SKP2: variants seen among roughly 807,000 people sequenced by gnomAD.
SKP2 encodes S-phase kinase associated protein 2.
Under a neutral mutation model 51.8 loss-of-function variants are expected in SKP2, and 16 were observed. The ratio of observed to expected loss-of-function variants is 0.31; its 90% CI spans 0.21 to 0.47. SKP2 has a LOEUF of 0.47. Among genes scored for constraint, SKP2 ranks in the 20% least tolerant of loss-of-function variants. The pLI, the probability that SKP2 is intolerant of heterozygous loss-of-function variation, is 1.00. For missense variants in SKP2, 377 were observed against 505.3 expected (o/e 0.75, Z 2.43); for synonymous variants, 176 against 198.6 (o/e 0.89, Z 0.96).
At chr5:36,187,627 A>G (rs1300678022), downstream of SKP2, among the ~76,000 whole-genome samples, 3 of 152,108 alleles carry the variant, frequency 2.0e-5, no homozygotes, top group Admixed American at 6.6e-5. Flanking sequence ...GTTCTTTTAC[A>G]TTTGCTGAGG....
intron 2 of SKP2, among the ~76,000 whole-genome samples, chr5:36,155,379 G>A (rs758238305): frequency 2.0e-5 from 3 of 152,160 alleles, no homozygotes; most frequent in Non-Finnish European, 2.9e-5. Flanking sequence ...TCATTCTTGC[G>A]TTTATCAGCC....
chr5:36,167,032 A>T (rs1326491711), intron 4 of SKP2, among the ~76,000 whole-genome samples: 1 of 152,036 alleles, frequency 6.6e-6, no homozygotes, highest in Non-Finnish European at 1.5e-5. Context: ...TCTGATAAAT[A>T]AAAAAAAGTG....
intron 2 of SKP2, 102 bp from the exon 3 acceptor site, chr5:36,163,543 A>G: frequency 1.4e-6 from 1 of 697,064 alleles, no homozygotes; most frequent in Admixed American, 2.5e-5. Flanking sequence ...TAAATTCCTC[A>G]TTTAAGCTAA....
At chr5:36,159,068 G>C (rs1745042731) in intron 2 of SKP2, among the ~76,000 whole-genome samples, 1 of 152,228 alleles carries the variant, frequency 6.6e-6, no homozygotes, top group African/African-American at 2.4e-5. Context: ...TTATGTGCCA[G>C]GCATTGTTAG....
In SKP2 at chr5:36,184,060, T is replaced by C; in HGVS notation, c.*2029T>C. On this transcript the variant is annotated 3_prime_UTR_variant, in exon 10 of 10. Transcript: ENST00000274255. The stretch of plus-strand genomic sequence containing the variant: ...GCTTAAACTAAGTTGTATTCCTTTT[T>C]TCTTTCTCTTTTTTTAAGTGCTGTG... The C allele has an allele frequency of 1.0e-6, 1 of 994,024 alleles. No homozygotes were observed. The highest frequency in any genetic ancestry group is 1.5e-6 in the Non-Finnish European group (1 of 670,118). 61.6% of individuals were successfully genotyped at this position (994,024 alleles called of 1,614,324 possible). A position where few individuals can be genotyped will look rare whatever the true frequency, so the allele number is the denominator to read the frequency against.
intron 5 of SKP2, among the ~76,000 whole-genome samples, chr5:36,170,138 G>T (rs2111984653): frequency 6.6e-6 from 1 of 152,190 alleles, no homozygotes; most frequent in East Asian, 1.9e-4. Context: ...TAATAACTCT[G>T]CCAAGAAGTT....
At chr5:36,191,216 C>G (rs13159992) in intron 6 of SKP2, among the ~76,000 whole-genome samples, 37 of 152,068 alleles carry the variant, frequency 2.4e-4, no homozygotes, top group Non-Finnish European at 4.3e-4. Context: ...CCAGGAGATA[C>G]TTGGTAACAT....
chr5:36,187,602 T>C (rs1745968419), downstream of SKP2, among the ~76,000 whole-genome samples: 1 of 152,204 alleles, frequency 6.6e-6, no homozygotes, highest in African/African-American at 2.4e-5. Context: ...TGAGAGACAG[T>C]TTGTTATAAT....
chr5:36,192,388 T>C (rs1746050596), intron 6 of SKP2, among the ~76,000 whole-genome samples: 1 of 152,210 alleles, frequency 6.6e-6, no homozygotes, highest in Admixed American at 6.5e-5. Context: ...TTCTTAAGTA[T>C]AAGGATGCAT....
At chr5:36,153,439 T>C (rs1744825055) in intron 2 of SKP2, among the ~76,000 whole-genome samples, 1 of 152,134 alleles carries the variant, frequency 6.6e-6, no homozygotes, top group Admixed American at 6.5e-5. Flanking sequence ...ATCACTTTAG[T>C]TATTTATCAG....
intron 9 of SKP2, among the ~76,000 whole-genome samples, chr5:36,178,908 T>C (rs1460397527): frequency 6.6e-6 from 1 of 152,148 alleles, no homozygotes; most frequent in African/African-American, 2.4e-5. Flanking sequence ...GTAATAGTAA[T>C]TGCGATACCT....
At chr5:36,192,273 G>C (rs1579586179) in intron 6 of SKP2, among the ~76,000 whole-genome samples, 1 of 152,154 alleles carries the variant, frequency 6.6e-6, no homozygotes, top group Middle Eastern at 3.4e-3. Flanking sequence ...CTATTCTTTA[G>C]TTAGACAACT....
At chr5:36,168,242 G>A (rs1745352376) in intron 4 of SKP2, 71 bp from the exon 5 acceptor site, 2 of 1,452,622 alleles carry the variant, frequency 1.4e-6, no homozygotes, top group African/African-American at 2.8e-5. Context: ...GGGGAGAAGA[G>A]GGGTCTGGTT....
intron 7 of SKP2, among the ~76,000 whole-genome samples, chr5:36,176,725 A>G (rs905107417): frequency 6.6e-6 from 1 of 151,872 alleles, no homozygotes; most frequent in African/African-American, 2.4e-5. Context: ...GCTATTGCTG[A>G]TACATAGATA....
chr5:36,174,909 A>G (rs1036985611), intron 7 of SKP2, among the ~76,000 whole-genome samples: 2 of 152,144 alleles, frequency 1.3e-5, no homozygotes, highest in Non-Finnish European at 2.9e-5. Context: ...GAACAGTGAG[A>G]GGAGAAAGAT....
intron 7 of SKP2, among the ~76,000 whole-genome samples, chr5:36,176,733 A>G (rs1301165256): frequency 6.6e-6 from 1 of 151,934 alleles, no homozygotes; most frequent in Non-Finnish European, 1.5e-5. Flanking sequence ...TGATACATAG[A>G]TAAGCTAAAG....
At position 36,182,272 on chromosome 5, in the gene SKP2, G is replaced by C. The variant is rs148018978; in HGVS notation, c.*241G>C. On this transcript the variant is annotated 3_prime_UTR_variant, in exon 10 of 10. Coordinates refer to ENST00000274255, the MANE Select transcript of SKP2 (RefSeq NM_005983.4). ...TTGTAGGCCTTTTGAAATTTTAGGA[G>C]AGTGAGCCTATAATTTCAAGATACC... 5.8e-4 allele frequency: 734 copies of C among 1,269,606 alleles called. 3 individuals are homozygous for C. In the African/African-American group the frequency reaches 9.4e-3, roughly 16 times the overall value. The allele number at this position is 1,269,606 out of a possible 1,614,324, so 78.6% of individuals were successfully genotyped here.
Position 36,152,915 on chromosome 5 carries a change from C to T in SKP2, c.153C>T (p.Ile51=), listed in dbSNP as rs780162866. Residue 51 remains isoleucine (I), a synonymous_variant, in exon 2 of 10, where the codon ATC becomes ATT. Coordinates refer to ENST00000274255, the MANE Select transcript of SKP2 (RefSeq NM_005983.4). ...LEKEEPDSEN[I]PQELLSNLGH... ...AAGAGGAGCCCGACAGTGAGAACATCCCCCAGGAACTGCTCTCAAACCTGG... is the reference window on the plus strand; with the variant it reads ...AAGAGGAGCCCGACAGTGAGAACATTCCCCAGGAACTGCTCTCAAACCTGG... 2 of 1,614,078 alleles carry T rather than the reference C, an allele frequency of 1.2e-6. No homozygotes were observed. The highest frequency in any genetic ancestry group is 1.7e-6 in the Non-Finnish European group (2 of 1,180,014).
intron 7 of SKP2, 47 bp downstream of exon 7, chr5:36,171,780 G>A: frequency 1.3e-6 from 2 of 1,588,070 alleles, no homozygotes; most frequent in Admixed American, 1.7e-5. Flanking sequence ...CAACATAATA[G>A]ATGAGATTCA....
Sources: gnomAD v4.1 joint callset for allele counts (sites outside exome capture counted in the v4.1 genomes callset) on GRCh38, gnomAD v4.1.1 for gene constraint, MANE v1.5 for transcripts, NCBI Gene and HGNC (gene_info 2026-07-23, HGNC 2026-07-21) for gene names.